HNF4G: variants seen among roughly 807,000 people sequenced by gnomAD.
The protein encoded by HNF4G is hepatocyte nuclear factor 4 gamma.
HNF4G carries 21 observed loss-of-function variants against 50.9 expected under a neutral mutation model. The ratio of observed to expected loss-of-function variants is 0.41; its 90% CI spans 0.29 to 0.59. HNF4G has a LOEUF of 0.59. Among genes scored for constraint, HNF4G ranks in the 20% least tolerant of loss-of-function variants. HNF4G has a pLI of 0.26. For missense variants in HNF4G, 527 were observed against 559.4 expected (o/e 0.94, Z 0.58); for synonymous variants, 198 against 185.6 (o/e 1.07, Z -0.54).
chr8:75,409,723 G>A (rs988841632), intron 1 of HNF4G, among the ~76,000 whole-genome samples: 4 of 151,894 alleles, frequency 2.6e-5, no homozygotes, highest in Admixed American at 1.3e-4. Context: ...TCCTGACCTC[G>A]TGATCTGCCC....
At chr8:75,517,695 C>G (rs1009842812) in intron 2 of HNF4G, among the ~76,000 whole-genome samples, 1 of 152,180 alleles carries the variant, frequency 6.6e-6, no homozygotes, top group Non-Finnish European at 1.5e-5. Flanking sequence ...TACAGCCCCC[C>G]TCCTGGCTGA....
chr8:75,471,156 T>C (rs151264879), intron 1 of HNF4G, among the ~76,000 whole-genome samples: 1 of 152,294 alleles, frequency 6.6e-6, no homozygotes, highest in Non-Finnish European at 1.5e-5. Context: ...TTTCACACAG[T>C]GCAAGGATAT....
At chr8:75,546,928 T>C (rs1806798723) in intron 2 of HNF4G, among the ~76,000 whole-genome samples, 1 of 152,166 alleles carries the variant, frequency 6.6e-6, no homozygotes, top group Non-Finnish European at 1.5e-5. Context: ...TATGTTTAGC[T>C]TTTTAAGACA....
intron 2 of HNF4G, among the ~76,000 whole-genome samples, chr8:75,525,068 T>A (rs749937687): frequency 1.2e-4 from 18 of 152,170 alleles, no homozygotes; most frequent in Non-Finnish European, 1.8e-4. Flanking sequence ...TTAGAGAAGA[T>A]AAGAGGACAG....
intron 2 of HNF4G, among the ~76,000 whole-genome samples, chr8:75,497,651 T>G (rs1327135324): frequency 2.0e-5 from 3 of 150,600 alleles, no homozygotes; most frequent in Non-Finnish European, 4.4e-5. Context: ...GCCACCGCAC[T>G]CCAGCCTGGG....
chr8:75,514,620 A>C (rs1309362214), intron 2 of HNF4G, among the ~76,000 whole-genome samples: 2 of 151,694 alleles, frequency 1.3e-5, no homozygotes, highest in Admixed American at 1.3e-4. Flanking sequence ...CAAAGTGCTG[A>C]GATTACAGGT....
At chr8:75,561,180 A>C (rs1807301523) in intron 9 of HNF4G, among the ~76,000 whole-genome samples, 1 of 151,948 alleles carries the variant, frequency 6.6e-6, no homozygotes, top group African/African-American at 2.4e-5. Flanking sequence ...TTAATGTGAA[A>C]TTTTCTTGCC....
intron 5 of HNF4G, among the ~76,000 whole-genome samples, chr8:75,554,886 C>A (rs182566125): frequency 5.9e-4 from 90 of 152,046 alleles, no homozygotes; most frequent in Non-Finnish European, 1.0e-3. Flanking sequence ...TGCCTGAGAC[C>A]CTGAAAGACA....
At chr8:75,443,012 G>C (rs533058893) in intron 1 of HNF4G, among the ~76,000 whole-genome samples, 62 of 152,166 alleles carry the variant, frequency 4.1e-4, no homozygotes, top group Non-Finnish European at 8.1e-4. Flanking sequence ...TTCTCAAGAT[G>C]ATGGTATTAG....
chr8:75,499,299 A>G (rs142159275), intron 2 of HNF4G, among the ~76,000 whole-genome samples: 5 of 152,188 alleles, frequency 3.3e-5, no homozygotes, highest in African/African-American at 1.2e-4. Flanking sequence ...AAAATAATAA[A>G]GTACTAAGAA....
intron 1 of HNF4G, among the ~76,000 whole-genome samples, chr8:75,430,252 C>A (rs948795757): frequency 1.3e-5 from 2 of 151,934 alleles, no homozygotes; most frequent in Admixed American, 6.6e-5. Context: ...GAGAAGTAAG[C>A]AAGATGAATG....
chr8:75,517,058 G>C (rs1805905908), intron 2 of HNF4G, among the ~76,000 whole-genome samples: 1 of 152,110 alleles, frequency 6.6e-6, no homozygotes, highest in African/African-American at 2.4e-5. Context: ...GTGGTGTCAG[G>C]CAAGAGAGCA....
intron 2 of HNF4G, among the ~76,000 whole-genome samples, chr8:75,504,079 A>C (rs1435426955): frequency 6.6e-6 from 1 of 152,050 alleles, no homozygotes; most frequent in African/African-American, 2.4e-5. Flanking sequence ...AAAATTAGCC[A>C]GGTGTGGTGG....
chr8:75,524,472 T>C (rs1806129372), intron 2 of HNF4G, among the ~76,000 whole-genome samples: 1 of 152,200 alleles, frequency 6.6e-6, no homozygotes. Flanking sequence ...TAGTATTGTA[T>C]CATGCATAGT....
chr8:75,449,939 G>A (rs917764336), intron 1 of HNF4G, among the ~76,000 whole-genome samples: 1 of 152,068 alleles, frequency 6.6e-6, no homozygotes, highest in South Asian at 2.1e-4. Flanking sequence ...ATAGCCCCCC[G>A]ATGTATGTAT....
chr8:75,499,680 G>A (rs1812872681), intron 2 of HNF4G, among the ~76,000 whole-genome samples: 1 of 151,904 alleles, frequency 6.6e-6, no homozygotes, highest in East Asian at 1.9e-4. Flanking sequence ...ACTAACATAA[G>A]AATAGATATA....
At chr8:75,436,583 G>A (rs1811147094) in intron 1 of HNF4G, among the ~76,000 whole-genome samples, 1 of 152,142 alleles carries the variant, frequency 6.6e-6, no homozygotes, top group Non-Finnish European at 1.5e-5. Flanking sequence ...ATATAGAAAA[G>A]ATGAAACTGG....
At chr8:75,549,215 T>C (rs1806874066) in intron 3 of HNF4G, among the ~76,000 whole-genome samples, 1 of 152,234 alleles carries the variant, frequency 6.6e-6, no homozygotes, top group Admixed American at 6.5e-5. Flanking sequence ...TTAAAGTTGA[T>C]ATATTTCTCT....
At chr8:75,520,825 CTCT>C (rs1432150813) in intron 2 of HNF4G, among the ~76,000 whole-genome samples, 1 of 151,998 alleles carries the variant, frequency 6.6e-6, no homozygotes, top group Admixed American at 6.6e-5. Flanking sequence ...TGCCAAATAG[CTCT>C]TCTTGCTTAT....
Sources: allele counts gnomAD v4.1 joint callset (sites outside exome capture counted in the v4.1 genomes callset), GRCh38; gene constraint gnomAD v4.1.1; transcripts MANE v1.5; gene names NCBI Gene and HGNC (gene_info 2026-07-23, HGNC 2026-07-21).